UNC5A: variants seen among roughly 807,000 people sequenced by gnomAD.
The protein encoded by UNC5A is unc-5 netrin receptor A.
Under a neutral mutation model 87.4 loss-of-function variants are expected in UNC5A, and 20 were observed. The observed-to-expected ratio is 0.23, with a 90% CI of 0.16 to 0.33. The LOEUF (loss-of-function observed/expected upper bound fraction) is 0.33, where lower values mean the gene tolerates loss of function less well. UNC5A is among the 10% of genes least tolerant of loss of function. The pLI is 1.00. For missense variants in UNC5A, 844 were observed against 1,133.4 expected (o/e 0.74, Z 3.67); for synonymous variants, 438 against 482.3 (o/e 0.91, Z 1.20).
rs1375071669 is a variant in UNC5A, at chr5:176,870,657, A to G, written c.886+123A>G. Reference sequence around the variant, plus strand: ...AGGCTGTAGCCTCTCCAGGCTCAGGACCCACTGAGATCCCCCTCATCCTTA... The same window carrying G: ...AGGCTGTAGCCTCTCCAGGCTCAGGGCCCACTGAGATCCCCCTCATCCTTA... On this transcript the variant is annotated intron_variant, in intron 6 of 14. Coordinates refer to ENST00000329542, the MANE Select transcript of UNC5A (RefSeq NM_133369.3). 3 of 1,124,944 alleles carry G rather than the reference A, an allele frequency of 2.7e-6. 1 individual carries two copies. The highest frequency in any genetic ancestry group is 5.4e-5 in the East Asian group (2 of 37,068). 69.7% of individuals were successfully genotyped at this position (1,124,944 alleles called of 1,614,324 possible). A position where few individuals can be genotyped will look rare whatever the true frequency, so the allele number is the denominator to read the frequency against.
chr5:176,823,256 G>A (rs1032377113), intron 1 of UNC5A, among the ~76,000 whole-genome samples: 1 of 151,914 alleles, frequency 6.6e-6, no homozygotes, highest in Non-Finnish European at 1.5e-5. Context: ...ACAGAAAATA[G>A]ATGGGGAGCT....
intron 1 of UNC5A, 56 bp from the exon 2 acceptor site, chr5:176,862,568 C>T: frequency 4.6e-6 from 7 of 1,537,752 alleles, no homozygotes; most frequent in Non-Finnish European, 6.2e-6. Flanking sequence ...TGAGCCGCTG[C>T]CTCTACCCTG....
rs978641524 is a variant in UNC5A, at chr5:176,874,629, C to T, written c.1378+63C>T. ...CCCTCCTGGAGGAGGACGGGACAGC[C>T]GGACGTTCCTCTCGTGCCCCTCGGT... On this transcript the variant is annotated intron_variant, in intron 8 of 14. Transcript: ENST00000329542. The surrounding 1 kb of genome is among the most constrained non-coding windows in gnomAD (Gnocchi z 7.6). 6.1e-6 allele frequency: 9 copies of T among 1,473,068 alleles called. No homozygotes were observed. The highest frequency in any genetic ancestry group is 5.7e-5 in the African/African-American group (4 of 70,270). The allele number at this position is 1,473,068 out of a possible 1,614,324, so 91.2% of individuals were successfully genotyped here.
intron 1 of UNC5A, among the ~76,000 whole-genome samples, chr5:176,835,259 G>T (rs924026178): frequency 6.6e-6 from 1 of 152,270 alleles, no homozygotes; most frequent in Non-Finnish European, 1.5e-5. Flanking sequence ...ATGGGTGAAG[G>T]TGACCTTCCT....
chr5:176,858,053 C>G (rs114279914), intron 1 of UNC5A, among the ~76,000 whole-genome samples: 1 of 152,230 alleles, frequency 6.6e-6, no homozygotes, highest in Non-Finnish European at 1.5e-5. Context: ...CACGCCCGTC[C>G]GTCAGTGGCC....
rs1757797194 is a variant in UNC5A, at chr5:176,860,099, CA to C, written c.71-2524del. Among the ~76,000 whole-genome samples, 3 of 152,252 alleles carry C rather than the reference CA, an allele frequency of 2.0e-5. No homozygotes were observed. In the South Asian group the frequency reaches 6.2e-4, roughly 31 times the overall value. On this transcript the variant is annotated intron_variant, in intron 1 of 14. Coordinates refer to ENST00000329542, the MANE Select transcript of UNC5A (RefSeq NM_133369.3). ...CACCCCCTCCCTGCCCCCACACGCC[CA>C]GCCAGGGACCCCTGCCCACCCAGCT...
intron 6 of UNC5A, among the ~76,000 whole-genome samples, 176 bp downstream of exon 6, chr5:176,870,710 C>T (rs1758089431): frequency 6.6e-6 from 1 of 152,006 alleles, no homozygotes; most frequent in Admixed American, 6.5e-5. Flanking sequence ...CCCAGGCGCG[C>T]CCCACCACCT....
chr5:176,847,701 G>A (rs1220765344), intron 1 of UNC5A, among the ~76,000 whole-genome samples: 2 of 151,846 alleles, frequency 1.3e-5, no homozygotes, highest in Non-Finnish European at 2.9e-5. Context: ...AGAGAGACTC[G>A]GGGGGGCCCA....
chr5:176,862,822 A>G lies in UNC5A; in HGVS notation c.269A>G (p.Glu90Gly), dbSNP rs749874772. Residue 90 changes from glutamate (E) to glycine (G), a missense_variant, in exon 2 of 15, where the codon GAG becomes GGG. By Grantham distance (98) the Glu-to-Gly change is moderately conservative. This residue lies in a region of UNC5A where 314 missense variants were observed against 466.5 expected (regional missense o/e 0.67). Transcript: ENST00000329542. ...EWVRQVDHVI[E>G]RSTDGSSGLP... is the part of the protein sequence containing the mutation. ...GTGCGCCAGGTGGACCACGTGATCG[A>G]GCGCAGCACAGACGGGAGCAGTGGT... is the stretch of plus-strand genomic sequence containing the variant. 2.2e-5 allele frequency: 36 copies of G among 1,613,026 alleles called. No homozygotes were observed. Among genetic ancestry groups the G allele is most frequent in the Non-Finnish European group, 2.9e-5 (34 of 1,179,862 alleles).
At chr5:176,852,978 G>A (rs1176206348) in intron 1 of UNC5A, among the ~76,000 whole-genome samples, 1 of 152,238 alleles carries the variant, frequency 6.6e-6, no homozygotes, top group African/African-American at 2.4e-5. Context: ...GCGTGAGGAG[G>A]AAAACAGACT....
chr5:176,831,885 CTT>C (rs10580672), intron 1 of UNC5A, among the ~76,000 whole-genome samples: 24 of 27,694 alleles, frequency 8.7e-4, no homozygotes, highest in African/African-American at 1.0e-3. Flanking sequence ...TTCTCTCTCT[CTT>C]TTTTTTTTTT....
At chr5:176,843,161 C>CA (rs546212256) in intron 1 of UNC5A, among the ~76,000 whole-genome samples, 3,035 of 90,032 alleles carry the variant, frequency 0.034, 82 homozygotes, top group African/African-American at 0.082. Context: ...AACTCTGTCT[C>CA]AAAAAAAAAA....
chr5:176,872,962 A>C (rs1657356), intron 6 of UNC5A, among the ~76,000 whole-genome samples: 3 of 90,506 alleles, frequency 3.3e-5, no homozygotes, highest in Admixed American at 1.2e-4. Context: ...ACACTCACCC[A>C]ACACCACAGC....
At chr5:176,878,182 G>A in intron 11 of UNC5A, 55 bp downstream of exon 11, 1 of 1,603,646 alleles carries the variant, frequency 6.2e-7, no homozygotes, top group Non-Finnish European at 8.5e-7. Context: ...GCCTGGCCCT[G>A]TGGACTGCCT....
Position 176,870,598 on chromosome 5 carries a change from G to A in UNC5A, c.886+64G>A, listed in dbSNP as rs749772734. The A allele has an allele frequency of 1.1e-5, 16 of 1,506,304 alleles. No homozygotes were observed. The Admixed American group carries it at 2.2e-4, about 21-fold the overall frequency. 93.3% of individuals were successfully genotyped at this position (1,506,304 alleles called of 1,614,324 possible). On this transcript the variant is annotated intron_variant, in intron 6 of 14. Transcript: ENST00000329542. ...TGGATTGGCCTTGCCCAGCCCTGGG[G>A]AGGTGGGGGCTGAGGGAGCTATTCT...
Position 176,836,382 on chromosome 5 carries a change from C to T in UNC5A, c.70+25562C>T, listed in dbSNP as rs1373693146. Among the ~76,000 whole-genome samples the T allele has an allele frequency of 2.0e-5, 3 of 152,188 alleles. No individual in the cohort carries two copies. The East Asian group carries it at 5.8e-4, about 29-fold the overall frequency. Reference sequence around the variant, plus strand: ...GGGCAGAACTGGATTGTATTACAGACTTATATGATCTGCATAATTCATTTC... The same window carrying T: ...GGGCAGAACTGGATTGTATTACAGATTTATATGATCTGCATAATTCATTTC... On this transcript the variant is annotated intron_variant, in intron 1 of 14. Transcript: ENST00000329542.
intron 1 of UNC5A, among the ~76,000 whole-genome samples, chr5:176,828,521 C>T (rs752488765): frequency 3.3e-5 from 5 of 152,172 alleles, no homozygotes; most frequent in African/African-American, 4.8e-5. Context: ...TCAGCCCCCC[C>T]ATCTTCCCCT....
intron 1 of UNC5A, among the ~76,000 whole-genome samples, chr5:176,839,094 C>G (rs772411978): frequency 6.6e-6 from 1 of 152,252 alleles, no homozygotes; most frequent in Non-Finnish European, 1.5e-5. Context: ...GACCTGCCCT[C>G]TCCTATCATC....
Position 176,810,698 on chromosome 5 carries a change from C to A in UNC5A, c.-53C>A. 1.3e-6 allele frequency: 1 copy of A among 754,786 alleles called. No individual in the cohort carries two copies. Among genetic ancestry groups the A allele is most frequent in the South Asian group, 5.8e-5 (1 of 17,186 alleles). 46.8% of individuals were successfully genotyped at this position (754,786 alleles called of 1,614,324 possible). ...CTCCGGGCTGAGGCGCTAAAGCCGC[C>A]CTCCCGCCCGCGGGGCCCCGCGCCC... On this transcript the variant is annotated 5_prime_UTR_variant, in exon 1 of 15. Transcript: ENST00000329542. This position sits in a 1 kb window ranked among gnomAD's most constrained non-coding sequence, Gnocchi z 7.3.
Sources: gnomAD v4.1 joint callset for allele counts (sites outside exome capture counted in the v4.1 genomes callset) on GRCh38, gnomAD v4.1.1 for gene constraint, gnomAD v4.1.1 regional missense constraint, Gnocchi (gnomAD v3.1) non-coding constraint, MANE v1.5 for transcripts, NCBI Gene and HGNC (gene_info 2026-07-23, HGNC 2026-07-21) for gene names.